The following KLRG1 variants were observed in gnomAD, a reference collection of about 807,000 sequenced individuals.
KLRG1 encodes the protein killer cell lectin like receptor G1.
KLRG1 carries 16 observed loss-of-function variants against 21.8 expected under a neutral mutation model. That is an observed-to-expected ratio of 0.73 (90% CI 0.50 to 1.11). The LOEUF (loss-of-function observed/expected upper bound fraction) is 1.11. KLRG1 is among the 50% of genes most tolerant of loss of function. The pLI is 0.00. For missense variants in KLRG1, 173 were observed against 218.3 expected (o/e 0.79, Z 1.31); for synonymous variants, 69 against 75.9 (o/e 0.91, Z 0.47).
the KLRG1 span, among the ~76,000 whole-genome samples, chr12:9,175,876 C>T: frequency 1.4e-3 from 218 of 152,234 alleles, no homozygotes; most frequent in African/African-American, 4.5e-3. Flanking sequence ...TAAATTAGTT[C>T]AACCACTGTG....
the KLRG1 span, chr12:9,107,565 C>T: frequency 2.2e-5 from 36 of 1,613,822 alleles, no homozygotes; most frequent in Non-Finnish European, 3.1e-5. Flanking sequence ...GAATCTTCAC[C>T]GTGGCAGTCG....
chr12:8,960,925 G>A (rs183078704), intron 1 of KLRG1, among the ~76,000 whole-genome samples: 13 of 152,288 alleles, frequency 8.5e-5, no homozygotes, highest in Admixed American at 8.5e-4. Flanking sequence ...CGAGGTGTAG[G>A]AGATGGCAAA....
At chr12:9,116,152 C>T in the KLRG1 span, 1 of 368,816 alleles carries the variant, frequency 2.7e-6, no homozygotes, top group Non-Finnish European at 5.3e-6. Context: ...AGCTAATAAG[C>T]TTTTCAACCT....
At chr12:9,001,171 T>G (rs952060701) in intron 3 of KLRG1, among the ~76,000 whole-genome samples, 6 of 152,198 alleles carry the variant, frequency 3.9e-5, no homozygotes, top group African/African-American at 1.4e-4. Context: ...TGTTTTCAAG[T>G]GAAACATCTC....
chr12:9,153,226 C>T, the KLRG1 span: 584 of 1,614,186 alleles, frequency 3.6e-4, 2 homozygotes, highest in African/African-American at 6.7e-3. Flanking sequence ...TTGTTGTCTA[C>T]TTGGAAATTT....
chr12:8,975,805 G>A (rs767398804), intron 1 of KLRG1, among the ~76,000 whole-genome samples: 7 of 152,156 alleles, frequency 4.6e-5, no homozygotes, highest in East Asian at 1.9e-4. Flanking sequence ...CAGGTGATCC[G>A]CCCACCTTGG....
chr12:9,074,913 T>C, the KLRG1 span: 1 of 990,726 alleles, frequency 1.0e-6, no homozygotes, highest in African/African-American at 1.6e-5. Flanking sequence ...ATGTAGATGC[T>C]TTTCCCTTCA....
the KLRG1 span, among the ~76,000 whole-genome samples, chr12:9,197,455 T>TA: frequency 1.8e-4 from 24 of 132,310 alleles, no homozygotes; most frequent in South Asian, 8.6e-4. Context: ...TGCTTAATAA[T>TA]ATATAATAAT....
chr12:9,087,040 A>C, the KLRG1 span, among the ~76,000 whole-genome samples: 2 of 152,234 alleles, frequency 1.3e-5, no homozygotes, highest in Non-Finnish European at 2.9e-5. Context: ...TACAATAGCT[A>C]TAAACAATAT....
chr12:9,139,731 T>C, the KLRG1 span, among the ~76,000 whole-genome samples: 1 of 152,324 alleles, frequency 6.6e-6, no homozygotes, highest in East Asian at 1.9e-4. Context: ...TTTTATCTGA[T>C]ATAAGTGTAG....
At chr12:9,112,325 G>A in the KLRG1 span, 1 of 1,598,558 alleles carries the variant, frequency 6.3e-7, no homozygotes, top group Non-Finnish European at 8.6e-7. Flanking sequence ...AACATCCAGG[G>A]GAAGAAGATC....
the KLRG1 span, among the ~76,000 whole-genome samples, chr12:9,198,147 C>T: frequency 6.6e-6 from 1 of 150,874 alleles, no homozygotes; most frequent in Admixed American, 6.7e-5. Context: ...CCAAAAGTTC[C>T]CAACTAGCAT....
intron 1 of KLRG1, among the ~76,000 whole-genome samples, chr12:8,963,328 A>G (rs1946410914): frequency 6.6e-6 from 1 of 152,210 alleles, no homozygotes; most frequent in African/African-American, 2.4e-5. Context: ...GTTTTATACA[A>G]GGTAATGTAG....
At chr12:9,124,746 T>C in the KLRG1 span, among the ~76,000 whole-genome samples, 1 of 152,092 alleles carries the variant, frequency 6.6e-6, no homozygotes, top group Non-Finnish European at 1.5e-5. Flanking sequence ...CAGAGCCTGC[T>C]CCAATCTTGG....
At chr12:9,183,265 G>T in the KLRG1 span, among the ~76,000 whole-genome samples, 1 of 152,144 alleles carries the variant, frequency 6.6e-6, no homozygotes, top group East Asian at 1.9e-4. Flanking sequence ...TGTCAAATGA[G>T]TGCATTTTAG....
At chr12:9,090,118 T>C in the KLRG1 span, 1 of 1,517,706 alleles carries the variant, frequency 6.6e-7, no homozygotes, top group Non-Finnish European at 8.9e-7. Flanking sequence ...CTGTAAACTT[T>C]TGTTTTATTA....
At chr12:9,067,101 C>G in the KLRG1 span, 1 of 152,350 alleles carries the variant, frequency 6.6e-6, no homozygotes, top group Non-Finnish European at 1.5e-5. Flanking sequence ...GACTTTACAG[C>G]TATCCTTTAA....
At chr12:9,039,854 T>A in the KLRG1 span, among the ~76,000 whole-genome samples, 6 of 152,270 alleles carry the variant, frequency 3.9e-5, no homozygotes, top group Non-Finnish European at 8.8e-5. Flanking sequence ...TTCCCTTTGT[T>A]ACTGTACATT....
chr12:8,961,584 TG>T (rs1289756901), intron 1 of KLRG1, among the ~76,000 whole-genome samples: 1 of 128,962 alleles, frequency 7.8e-6, no homozygotes, highest in African/African-American at 2.6e-5. Flanking sequence ...AGCTAATTTT[TG>T]TATTTTTTTT....
Sources: gnomAD v4.1 joint callset for allele counts (sites outside exome capture counted in the v4.1 genomes callset) on GRCh38, gnomAD v4.1.1 for gene constraint, MANE v1.5 for transcripts, NCBI Gene and HGNC (gene_info 2026-07-23, HGNC 2026-07-21) for gene names.